Variants in PCDHGB1 observed in about 807,000 individuals in gnomAD.
PCDHGB1 encodes protocadherin gamma-B1.
PCDHGB1 carries 34 observed loss-of-function variants against 56.6 expected under a neutral mutation model. The observed-to-expected ratio is 0.60, with a 90% CI of 0.46 to 0.80. The LOEUF (loss-of-function observed/expected upper bound fraction) is 0.80, where lower values mean the gene tolerates loss of function less well. PCDHGB1 is among the 30% of genes least tolerant of loss of function. The pLI, the probability that PCDHGB1 is intolerant of heterozygous loss-of-function variation, is 0.00. For missense variants in PCDHGB1, 1,278 were observed against 1,204.6 expected, an observed-to-expected ratio of 1.06 and a Z score of -0.90; for synonymous variants, 561 against 505.9, an observed-to-expected ratio of 1.11 and a Z score of -1.46.
chr5:141,394,491 C>A lies in PCDHGB1; in HGVS notation c.2409+41822C>A, dbSNP rs1477855534. 4 of 1,614,234 alleles carry A rather than the reference C, an allele frequency of 2.5e-6. No homozygotes were observed. The highest frequency in any genetic ancestry group is 2.5e-6 in the Non-Finnish European group (3 of 1,180,046). On this transcript the variant is annotated intron_variant, in intron 1 of 3. Transcript: ENST00000523390. The stretch of plus-strand genomic sequence containing the variant: ...CGTGCTGGACCAGAATGACAACGCG[C>A]CCGAGATCCTGTACCCCGCCCTCCC...
intron 1 of PCDHGB1, among the ~76,000 whole-genome samples, chr5:141,434,384 G>T (rs980455943): frequency 2.6e-5 from 4 of 152,208 alleles, no homozygotes; most frequent in African/African-American, 4.8e-5. Context: ...CCCAAAACTG[G>T]CCATAAACAA....
chr5:141,413,863 G>T, intron 1 of PCDHGB1: 1 of 1,613,356 alleles, frequency 6.2e-7, no homozygotes, highest in Non-Finnish European at 8.5e-7. Flanking sequence ...ATCTGGCACT[G>T]TCCTTGTCAG....
Position 141,432,492 on chromosome 5 carries a change from C to G in PCDHGB1, c.2410-62315C>G. The G allele has an allele frequency of 6.2e-7, 1 of 1,614,168 alleles. No individual in the cohort carries two copies. The highest frequency in any genetic ancestry group is 8.5e-7 in the Non-Finnish European group (1 of 1,180,040). On this transcript the variant is annotated intron_variant, in intron 1 of 3. Transcript: ENST00000523390. This position sits in a 1 kb window ranked among gnomAD's most constrained non-coding sequence, Gnocchi z 6.0. Reference sequence around the variant, plus strand: ...GACGGTTCCACTGGCGTGGAGCTGGCTCCCCGCTCCGCAGAGCCCGGCTAC... The same window carrying G: ...GACGGTTCCACTGGCGTGGAGCTGGGTCCCCGCTCCGCAGAGCCCGGCTAC...
At chr5:141,426,334 C>T (rs551131722) in intron 1 of PCDHGB1, 1 of 186,734 alleles carries the variant, frequency 5.4e-6, no homozygotes, top group South Asian at 1.1e-4. Flanking sequence ...GTGGCAAGCA[C>T]TCTTCCCTTT....
intron 1 of PCDHGB1, among the ~76,000 whole-genome samples, chr5:141,469,914 C>T (rs1451982311): frequency 6.6e-6 from 1 of 152,082 alleles, no homozygotes. Flanking sequence ...GCAGACCACC[C>T]GAGGTCAGGA....
At chr5:141,371,572 A>T in intron 1 of PCDHGB1, 1 of 1,613,960 alleles carries the variant, frequency 6.2e-7, no homozygotes, top group Non-Finnish European at 8.5e-7. Context: ...TTCCCCTTTA[A>T]AATCGTTCAA....
Position 141,490,672 on chromosome 5 carries a change from G to T in PCDHGB1, c.2410-4135G>T. The T allele has an allele frequency of 6.2e-7, 1 of 1,614,114 alleles. No homozygotes were observed. Among genetic ancestry groups the T allele is most frequent in the Non-Finnish European group, 8.5e-7 (1 of 1,179,996 alleles). ...GGGCTCCCTTCTTTGCACTGTGGCT[G>T]CCTCAGATCCAGACACTGGGGATAA... On this transcript the variant is annotated intron_variant, in intron 1 of 3. Coordinates refer to ENST00000523390, the MANE Select transcript of PCDHGB1 (RefSeq NM_018922.3). The surrounding 1 kb of genome is among the most constrained non-coding windows in gnomAD (Gnocchi z 5.4).
chr5:141,487,919 A>G lies in PCDHGB1; in HGVS notation c.2410-6888A>G, dbSNP rs548678238. ...ATGGAATGTGGGAGCACAGGAGGCTACAGTGCACAGGGTACAGTGCACCAG... is the reference window on the plus strand; with the variant it reads ...ATGGAATGTGGGAGCACAGGAGGCTGCAGTGCACAGGGTACAGTGCACCAG... On this transcript the variant is annotated intron_variant, in intron 1 of 3. Transcript: ENST00000523390. The surrounding 1 kb of genome is among the most constrained non-coding windows in gnomAD (Gnocchi z 5.0). 23 of 644,878 alleles carry G rather than the reference A, an allele frequency of 3.6e-5. No individual in the cohort carries two copies. Among genetic ancestry groups the G allele is most frequent in the Non-Finnish European group, 5.6e-5 (21 of 374,374 alleles). 39.9% of individuals were successfully genotyped at this position (644,878 alleles called of 1,614,324 possible). A position where few individuals can be genotyped will look rare whatever the true frequency, so the allele number is the denominator to read the frequency against.
At chr5:141,357,966 G>A (rs1480314372) in intron 1 of PCDHGB1, among the ~76,000 whole-genome samples, 1 of 152,168 alleles carries the variant, frequency 6.6e-6, no homozygotes, top group African/African-American at 2.4e-5. Flanking sequence ...GAGGAGGACG[G>A]ATTGCCTGAG....
intron 1 of PCDHGB1, chr5:141,405,187 G>T (rs372851700): frequency 9.3e-6 from 15 of 1,613,480 alleles, no homozygotes; most frequent in Non-Finnish European, 1.3e-5. Flanking sequence ...GTGTAGATGG[G>T]GTTCGAGCTT....
intron 1 of PCDHGB1, among the ~76,000 whole-genome samples, chr5:141,482,530 C>CGAAAAAAA (rs2099566141): frequency 1.3e-5 from 1 of 76,562 alleles, no homozygotes; most frequent in African/African-American, 4.8e-5. Context: ...GACAGACATG[C>CGAAAAAAA]AAAAAAAAAA....
rs375573264 is a variant in PCDHGB1, at chr5:141,350,231, A to G, written c.-30A>G. On this transcript the variant is annotated 5_prime_UTR_variant, in exon 1 of 4. Coordinates refer to ENST00000523390, the MANE Select transcript of PCDHGB1 (RefSeq NM_018922.3). ...CATTTCTTTTTGAAAAACATCCCAG[A>G]GGAAAGAAGCTCCGCGGAGAGTTCC... 2,492 of 1,501,598 alleles carry G rather than the reference A, an allele frequency of 1.7e-3. 7 individuals are homozygous for G. Among genetic ancestry groups the G allele is most frequent in the Non-Finnish European group, 2.0e-3 (2,284 of 1,127,078 alleles). 93.0% of individuals were successfully genotyped at this position (1,501,598 alleles called of 1,614,324 possible).
At chr5:141,364,715 A>G (rs566972515) in intron 1 of PCDHGB1, 1 of 1,614,010 alleles carries the variant, frequency 6.2e-7, no homozygotes, top group Admixed American at 1.7e-5. Context: ...TATTAATGAT[A>G]ACTTCCCGCG....
chr5:141,430,723 A>C lies in PCDHGB1; in HGVS notation c.2410-64084A>C, dbSNP rs554822923. ...GAACTGCTCCTGACTTCAGTGGTTAAGGGCAGAATTGAAAATAATTCTGGA... is the reference window on the plus strand; with the variant it reads ...GAACTGCTCCTGACTTCAGTGGTTACGGGCAGAATTGAAAATAATTCTGGA... On this transcript the variant is annotated intron_variant, in intron 1 of 3. Transcript: ENST00000523390. 58 of 1,493,590 alleles carry C rather than the reference A, an allele frequency of 3.9e-5. No homozygotes were observed. The African/African-American group carries it at 7.7e-4, about 20-fold the overall frequency. The allele number at this position is 1,493,590 out of a possible 1,614,324, so 92.5% of individuals were successfully genotyped here. A position where few individuals can be genotyped will look rare whatever the true frequency, so the allele number is the denominator to read the frequency against.
At chr5:141,375,779 G>C (rs749559180) in intron 1 of PCDHGB1, 1 of 1,614,176 alleles carries the variant, frequency 6.2e-7, no homozygotes, top group South Asian at 1.1e-5. Flanking sequence ...CCTGTACCCC[G>C]CCCTCCCCAC....
At position 141,408,331 on chromosome 5, in the gene PCDHGB1, G is replaced by C. The variant is rs779178317; in HGVS notation, c.2409+55662G>C. On this transcript the variant is annotated intron_variant, in intron 1 of 3. Transcript: ENST00000523390. Reference sequence around the variant, plus strand: ...ACTCGATTCCGGAGGAGCTGGCCAAGGGCTCGGTGGTGGGGAACCTCGCTA... The same window carrying C: ...ACTCGATTCCGGAGGAGCTGGCCAACGGCTCGGTGGTGGGGAACCTCGCTA... 3.1e-6 allele frequency: 5 copies of C among 1,613,932 alleles called. No individual in the cohort carries two copies. In the South Asian group the frequency reaches 5.5e-5, roughly 18 times the overall value.
rs1460500162 is a variant in PCDHGB1, at chr5:141,351,640, C to A, written c.1380C>A (p.Asn460Lys). 5.0e-6 allele frequency: 8 copies of A among 1,613,948 alleles called. No homozygotes were observed. The highest frequency in any genetic ancestry group is 2.2e-5 in the South Asian group (2 of 91,088). The change falls in exon 1 of 4, where the codon AAC becomes AAA. Residue 460 changes from asparagine to lysine, a missense_variant. By Grantham distance (94) the Asn-to-Lys change is moderately conservative. Transcript: ENST00000523390. ...QASYVVHVSE[N>K]NPPGASIAQV... ...CCTATGTGGTCCACGTGTCTGAGAA[C>A]AACCCACCTGGCGCCTCCATTGCAC...
chr5:141,387,421 A>T (rs1379081151), intron 1 of PCDHGB1, among the ~76,000 whole-genome samples: 1 of 152,250 alleles, frequency 6.6e-6, no homozygotes, highest in Non-Finnish European at 1.5e-5. Flanking sequence ...GCTTATGTCA[A>T]TAAATGTTTA....
intron 1 of PCDHGB1, chr5:141,355,754 G>A (rs776270639): frequency 6.2e-7 from 1 of 1,613,930 alleles, no homozygotes; most frequent in Admixed American, 1.7e-5. Context: ...GTGCAAAGTG[G>A]GGCCGATGGG....
Sources: gnomAD v4.1 joint callset for allele counts (sites outside exome capture counted in the v4.1 genomes callset) on GRCh38, gnomAD v4.1.1 for gene constraint, Gnocchi (gnomAD v3.1) non-coding constraint, MANE v1.5 for transcripts, NCBI Gene and HGNC (gene_info 2026-07-23, HGNC 2026-07-21) for gene names.